The following ERG variants were observed in gnomAD, a reference collection of about 807,000 sequenced individuals.
ERG encodes the protein transcriptional regulator ERG.
A neutral mutation model predicts 55.3 loss-of-function variants in ERG; 9 were observed. The observed-to-expected ratio is 0.16, with a 90% CI of 0.10 to 0.28. The LOEUF (loss-of-function observed/expected upper bound fraction) is 0.28. Among genes scored for constraint, ERG ranks in the 10% least tolerant of loss-of-function variants. The pLI is 1.00. For missense variants in ERG, 434 were observed against 631.6 expected, an observed-to-expected ratio of 0.69 and a Z score of 3.35; for synonymous variants, 223 against 237.3, an observed-to-expected ratio of 0.94 and a Z score of 0.55.
At chr21:38,411,214 TA>T (rs1386716981) in intron 3 of ERG, among the ~76,000 whole-genome samples, 1 of 152,270 alleles carries the variant, frequency 6.6e-6, no homozygotes, top group African/African-American at 2.4e-5. Context: ...CTGAGCCTTT[TA>T]AATTTCTAAC....
At chr21:38,392,295 A>G in intron 7 of ERG, 81 bp downstream of exon 7, 1 of 1,219,778 alleles carries the variant, frequency 8.2e-7, no homozygotes, top group Non-Finnish European at 1.2e-6. Context: ...CAGATTAACC[A>G]CAGAAATTAT....
At chr21:38,405,475 G>A (rs1216227725) in intron 3 of ERG, among the ~76,000 whole-genome samples, 1 of 152,116 alleles carries the variant, frequency 6.6e-6, no homozygotes, top group African/African-American at 2.4e-5. Flanking sequence ...TGAAAAACTA[G>A]TGATGCCTGG....
Position 38,423,484 on chromosome 21 carries a change from C to A in ERG, c.314G>T (p.Gly105Val), listed in dbSNP as rs1464176138. ...CATGTGCTTCTCCTCCATGTAGCTG[C>A]CGTAGTTCATCCCAACGGTGTCTGG... ...GSPDTVGMNY[G>V]SYMEEKHMPP... The change falls in exon 3 of 10, where the codon GGC becomes GTC. Residue 105 changes from glycine (G) to valine (V), a missense_variant. By Grantham distance (109) the Gly-to-Val change is moderately radical. Transcript: ENST00000288319. 1 of 1,614,184 alleles carries A rather than the reference C, an allele frequency of 6.2e-7. No homozygotes were observed. The highest frequency in any genetic ancestry group is 8.5e-7 in the Non-Finnish European group (1 of 1,180,012).
chr21:38,508,728 T>A (rs2836453), intron 2 of ERG, among the ~76,000 whole-genome samples: 7,980 of 152,326 alleles, frequency 0.052, 286 homozygotes, highest in East Asian at 0.19. Context: ...CCCAGTAGGA[T>A]GTCCCATCAT....
chr21:38,405,943 G>A (rs59394319), intron 3 of ERG, among the ~76,000 whole-genome samples: 6,765 of 152,092 alleles, frequency 0.044, 480 homozygotes, highest in African/African-American at 0.15. Context: ...ACGAGGTCAG[G>A]AGATCGAGAC....
chr21:38,617,382 T>A (rs1408558497), intron 1 of ERG, among the ~76,000 whole-genome samples: 1 of 152,188 alleles, frequency 6.6e-6, no homozygotes, highest in Non-Finnish European at 1.5e-5. Flanking sequence ...AGCCCATGTG[T>A]TCAGCCTCTC....
chr21:38,406,878 T>C (rs1988798954), intron 3 of ERG, among the ~76,000 whole-genome samples: 1 of 152,200 alleles, frequency 6.6e-6, no homozygotes, highest in Non-Finnish European at 1.5e-5. Context: ...ACAAGGGTTA[T>C]CCTGGCCCAT....
Position 38,426,705 on chromosome 21 carries a change from C to T in ERG, c.237-3144G>A, listed in dbSNP as rs143469651. On this transcript the variant is annotated intron_variant, in intron 2 of 9. Transcript: ENST00000288319. ...CAGCACTTTGGGAGGCCGAGCTGGG[C>T]GGATCACCTGAGGTCGGGAGTTTGA... 4.1e-3 allele frequency among the ~76,000 whole-genome samples: 617 copies of T among 152,024 alleles called. 3 individuals carry two copies. Among genetic ancestry groups the T allele is most frequent in the African/African-American group, 0.014 (572 of 41,454 alleles).
intron 2 of ERG, among the ~76,000 whole-genome samples, chr21:38,525,032 C>A (rs1185639754): frequency 6.6e-6 from 1 of 152,184 alleles, no homozygotes; most frequent in Non-Finnish European, 1.5e-5. Context: ...GCGGGTGCTG[C>A]TTCCACATCA....
rs1180235324 is a variant in ERG, at chr21:38,436,032, T to TC, written c.236+9371_236+9372insG. Among the ~76,000 whole-genome samples, 54 of 150,904 alleles carry TC rather than the reference T, an allele frequency of 3.6e-4. 1 individual carries two copies. Among genetic ancestry groups the TC allele is most frequent in the Non-Finnish European group, 7.1e-4 (48 of 67,720 alleles). On this transcript the variant is annotated intron_variant, in intron 2 of 9. Transcript: ENST00000288319. ...ACTTTCTTTTTTTCTTTTTTTTTTT[T>TC]TTTTGAGACGGAGTTTTGCTCTTGT...
intron 1 of ERG, among the ~76,000 whole-genome samples, chr21:38,618,091 G>C (rs1001942862): frequency 6.6e-6 from 1 of 152,170 alleles, no homozygotes; most frequent in African/African-American, 2.4e-5. Context: ...GGGGAGAGCA[G>C]AGCCTTCCAG....
chr21:38,648,707 C>T (rs932820017), intron 1 of ERG, among the ~76,000 whole-genome samples: 3 of 152,238 alleles, frequency 2.0e-5, no homozygotes, highest in African/African-American at 7.2e-5. Flanking sequence ...AGCAAATCCA[C>T]TCCGATTCCC....
chr21:38,383,137 T>C lies in ERG; in HGVS notation c.*266A>G, dbSNP rs1987523280. On this transcript the variant is annotated 3_prime_UTR_variant, in exon 10 of 10. Coordinates refer to ENST00000288319, the MANE Select transcript of ERG (RefSeq NM_182918.4). The surrounding 1 kb of genome is among the most constrained non-coding windows in gnomAD (Gnocchi z 5.7). ...TTGGCACTTTGTCCTTAAGACTTCA[T>C]GCTTCTACATACACTGTCTTTTACA... The C allele has an allele frequency of 2.5e-6, 3 of 1,188,890 alleles. No individual in the cohort carries two copies. The African/African-American group carries it at 4.7e-5, about 19-fold the overall frequency. The allele number at this position is 1,188,890 out of a possible 1,614,324, so 73.6% of individuals were successfully genotyped here.
intron 1 of ERG, among the ~76,000 whole-genome samples, chr21:38,495,599 T>C (rs889455328): frequency 6.6e-6 from 1 of 152,242 alleles, no homozygotes; most frequent in African/African-American, 2.4e-5. Flanking sequence ...CTGGGGTTCA[T>C]GTTCTCCTTA....
At position 38,383,340 on chromosome 21, in the gene ERG, C is replaced by T. The variant is rs1408445805; in HGVS notation, c.*63G>A. The T allele has an allele frequency of 1.4e-6, 2 of 1,411,562 alleles. No individual in the cohort carries two copies. The highest frequency in any genetic ancestry group is 2.8e-5 in the African/African-American group (2 of 70,504). 87.4% of individuals were successfully genotyped at this position (1,411,562 alleles called of 1,614,324 possible). On this transcript the variant is annotated 3_prime_UTR_variant, in exon 10 of 10. Coordinates refer to ENST00000288319, the MANE Select transcript of ERG (RefSeq NM_182918.4). The surrounding 1 kb of genome is among the most constrained non-coding windows in gnomAD (Gnocchi z 5.7). ...TGAGGCACTTTTGATTCATGTTCTC[C>T]GATAGAGTTTGTGGCGATGGGCTGG... is the stretch of plus-strand genomic sequence containing the variant.
At chr21:38,576,954 G>T (rs1354976615) in intron 1 of ERG, among the ~76,000 whole-genome samples, 1 of 152,178 alleles carries the variant, frequency 6.6e-6, no homozygotes. Context: ...GCAGATCTCA[G>T]CCAAGCCATC....
intron 1 of ERG, among the ~76,000 whole-genome samples, chr21:38,485,710 G>T (rs866446628): frequency 6.6e-6 from 1 of 150,792 alleles, no homozygotes; most frequent in African/African-American, 2.4e-5. Flanking sequence ...CGCCCACCTC[G>T]GCCTCCCAAA....
intron 1 of ERG, among the ~76,000 whole-genome samples, chr21:38,605,727 A>G (rs542045272): frequency 2.6e-5 from 4 of 152,348 alleles, no homozygotes; most frequent in African/African-American, 9.6e-5. Context: ...TTTCCTAGCA[A>G]AAGTAGCTGT....
rs537514084 is a variant in ERG, at chr21:38,485,624, T to A, written c.18+12739A>T. The stretch of plus-strand genomic sequence containing the variant: ...ACAGGCATGCGCCACCATGCCCGGC[T>A]AATTTTTGTATTTTTAGTAGAGATG... On this transcript the variant is annotated intron_variant, in intron 1 of 9. Transcript: ENST00000288319. Among the ~76,000 whole-genome samples the A allele has an allele frequency of 2.5e-3, 384 of 151,934 alleles. 2 individuals are homozygous for A. Among genetic ancestry groups the A allele is most frequent in the African/African-American group, 9.0e-3 (374 of 41,392 alleles).
Sources: allele counts gnomAD v4.1 joint callset (sites outside exome capture counted in the v4.1 genomes callset), GRCh38; gene constraint gnomAD v4.1.1; non-coding constraint Gnocchi (gnomAD v3.1); transcripts MANE v1.5; gene names NCBI Gene and HGNC (gene_info 2026-07-23, HGNC 2026-07-21).